Variants in SLCO3A1 observed in about 807,000 individuals in gnomAD.
SLCO3A1 encodes PGE1 transporter.
Under a neutral mutation model 63.1 loss-of-function variants are expected in SLCO3A1, and 27 were observed. That is an observed-to-expected ratio of 0.43 (90% CI 0.32 to 0.59). The LOEUF is 0.59. Ranked by LOEUF, SLCO3A1 falls within the 20% of genes least tolerant of loss-of-function variation. SLCO3A1 has a pLI of 0.09. For missense variants in SLCO3A1, 773 were observed against 945.8 expected, an observed-to-expected ratio of 0.82 and a Z score of 2.40; for synonymous variants, 473 against 409.9, an observed-to-expected ratio of 1.15 and a Z score of -1.86.
intron 2 of SLCO3A1, among the ~76,000 whole-genome samples, chr15:91,989,294 C>G (rs1307729384): frequency 6.6e-6 from 1 of 152,184 alleles, no homozygotes. Context: ...CCTGCTGCAG[C>G]CCTTAACGTA....
chr15:92,024,504 G>A (rs1285176742), intron 2 of SLCO3A1, among the ~76,000 whole-genome samples: 1 of 152,304 alleles, frequency 6.6e-6, no homozygotes, highest in East Asian at 1.9e-4. Flanking sequence ...ACCATGTATT[G>A]ACGTGTTTGT....
At chr15:92,055,278 A>T (rs1460412428) in intron 2 of SLCO3A1, among the ~76,000 whole-genome samples, 2 of 152,118 alleles carry the variant, frequency 1.3e-5, no homozygotes, top group African/African-American at 4.8e-5. Flanking sequence ...TCTGTTGCCC[A>T]CTTTTTAATG....
intron 8 of SLCO3A1, among the ~76,000 whole-genome samples, chr15:92,150,717 A>T (rs1333467362): frequency 6.6e-6 from 1 of 152,106 alleles, no homozygotes; most frequent in African/African-American, 2.4e-5. Flanking sequence ...AGCTCCAGTT[A>T]TTAAAAAACA....
intron 2 of SLCO3A1, among the ~76,000 whole-genome samples, chr15:92,043,959 T>C (rs532774819): frequency 6.6e-6 from 1 of 152,244 alleles, no homozygotes; most frequent in Admixed American, 6.5e-5. Flanking sequence ...TCCAACATAT[T>C]CTGCATGCTT....
intron 2 of SLCO3A1, among the ~76,000 whole-genome samples, chr15:91,980,557 G>T (rs1208609847): frequency 6.6e-6 from 1 of 151,956 alleles, no homozygotes; most frequent in East Asian, 1.9e-4. Context: ...TTCTGAGTGG[G>T]TCCTTTCTAA....
chr15:92,165,371 C>G lies in SLCO3A1; in HGVS notation c.*2236C>G. ...CCTAAGGCTTTGATAATATCCTGTA[C>G]AGATTTTGGTTTAGTTTTGCAAATA... On this transcript the variant is annotated 3_prime_UTR_variant, in exon 10 of 10. Coordinates refer to ENST00000318445, the MANE Select transcript of SLCO3A1 (RefSeq NM_013272.4). 1.0e-6 allele frequency: 1 copy of G among 985,104 alleles called. No individual in the cohort carries two copies. The highest frequency in any genetic ancestry group is 4.7e-5 in the South Asian group (1 of 21,266). The allele number at this position is 985,104 out of a possible 1,614,324, so 61.0% of individuals were successfully genotyped here.
At chr15:91,869,439 G>C (rs1467660913) in intron 1 of SLCO3A1, among the ~76,000 whole-genome samples, 1 of 151,976 alleles carries the variant, frequency 6.6e-6, no homozygotes, top group East Asian at 1.9e-4. Context: ...AGGAGGCTGA[G>C]GCAGGAAAAT....
chr15:92,120,510 C>T lies in SLCO3A1; in HGVS notation c.1055C>T (p.Thr352Ile), dbSNP rs1567130598. The change falls in exon 5 of 10, where the codon ACC becomes ATC. Residue 352 changes from threonine to isoleucine, a missense_variant. By Grantham distance (89) the Thr-to-Ile change is moderately conservative. Around this residue, in one of 3 missense-constraint regions of SLCO3A1, gnomAD observed 565 missense variants for 749.8 expected, o/e 0.75. Coordinates refer to ENST00000318445, the MANE Select transcript of SLCO3A1 (RefSeq NM_013272.4). ...CACCTGCTCTCAAACCCTGTGTTCA[C>T]CTGCATCATCCTGGCCGCCTGCATG... The part of the protein sequence containing the change: ...TKHLLSNPVF[T>I]CIILAACMEI... 7.4e-6 allele frequency: 12 copies of T among 1,614,040 alleles called. No individual in the cohort carries two copies. In the Admixed American group the frequency reaches 1.7e-4, roughly 22 times the overall value.
At chr15:92,002,202 C>T (rs1320756048) in intron 2 of SLCO3A1, among the ~76,000 whole-genome samples, 2 of 152,068 alleles carry the variant, frequency 1.3e-5, no homozygotes, top group Admixed American at 6.6e-5. Flanking sequence ...GATGTACATT[C>T]GCAAGGAAAG....
chr15:91,982,942 C>G (rs559917744), intron 2 of SLCO3A1, among the ~76,000 whole-genome samples: 1 of 152,376 alleles, frequency 6.6e-6, no homozygotes, highest in Non-Finnish European at 1.5e-5. Context: ...CCACCCCAAA[C>G]TCCCAGGAAC....
At chr15:92,120,339 C>A in intron 4 of SLCO3A1, 126 bp from the exon 5 acceptor site, 5 of 885,018 alleles carry the variant, frequency 5.6e-6, no homozygotes, top group Admixed American at 2.6e-5. Flanking sequence ...AACTGGGTAC[C>A]TCTGGATGCT....
intron 2 of SLCO3A1, among the ~76,000 whole-genome samples, chr15:92,030,884 T>G (rs2046638705): frequency 6.6e-6 from 1 of 152,106 alleles, no homozygotes; most frequent in African/African-American, 2.4e-5. Flanking sequence ...GACTCAGCAG[T>G]TGGATTACTT....
intron 7 of SLCO3A1, among the ~76,000 whole-genome samples, chr15:92,137,795 T>C (rs2048077963): frequency 9.6e-6 from 1 of 104,568 alleles, no homozygotes; most frequent in Admixed American, 1.0e-4. Flanking sequence ...TCTGTTCATG[T>C]CCTTCGCCCA....
intron 1 of SLCO3A1, among the ~76,000 whole-genome samples, chr15:91,878,129 T>C (rs1248819408): frequency 6.8e-6 from 1 of 146,084 alleles, no homozygotes; most frequent in Non-Finnish European, 1.5e-5. Flanking sequence ...TGCTCTTGTC[T>C]CCTAGCCTGG....
chr15:92,154,479 A>C (rs2048346957), intron 9 of SLCO3A1, among the ~76,000 whole-genome samples: 1 of 152,126 alleles, frequency 6.6e-6, no homozygotes, highest in Non-Finnish European at 1.5e-5. Context: ...GTTTTCACAT[A>C]AGTAGGTGGA....
In SLCO3A1 at chr15:92,164,191, C is replaced by T; in HGVS notation, c.*1056C>T. 2 of 985,108 alleles carry T rather than the reference C, an allele frequency of 2.0e-6. No homozygotes were observed. The highest frequency in any genetic ancestry group is 1.1e-4 in the East Asian group (1 of 8,796). 61.0% of individuals were successfully genotyped at this position (985,108 alleles called of 1,614,324 possible). On this transcript the variant is annotated 3_prime_UTR_variant, in exon 10 of 10. Transcript: ENST00000318445. ...TATGCTGGTTGCTTTTACTTTTTTT[C>T]TCCTTTTTTAATGCACCAAAAATAT...
chr15:92,113,009 C>T (rs922533522), intron 4 of SLCO3A1, among the ~76,000 whole-genome samples: 2 of 152,194 alleles, frequency 1.3e-5, no homozygotes, highest in Non-Finnish European at 2.9e-5. Flanking sequence ...AAAGAAGGTT[C>T]TTAGGGGCTG....
At chr15:92,152,346 C>T (rs374616325) in intron 9 of SLCO3A1, among the ~76,000 whole-genome samples, 30 of 152,332 alleles carry the variant, frequency 2.0e-4, no homozygotes, top group African/African-American at 6.5e-4. Flanking sequence ...TGTGATCATT[C>T]CCTCTGTGCC....
chr15:91,867,876 A>G (rs1897203501), intron 1 of SLCO3A1, among the ~76,000 whole-genome samples: 1 of 152,124 alleles, frequency 6.6e-6, no homozygotes, highest in African/African-American at 2.4e-5. Context: ...ACTGTGTGAA[A>G]GGTTGTGTGA....
Sources: allele counts gnomAD v4.1 joint callset (sites outside exome capture counted in the v4.1 genomes callset), GRCh38; gene constraint gnomAD v4.1.1; regional missense constraint gnomAD v4.1.1; transcripts MANE v1.5; gene names NCBI Gene and HGNC (gene_info 2026-07-23, HGNC 2026-07-21).